MRPL4: variants seen among roughly 807,000 people sequenced by gnomAD.
The protein encoded by MRPL4 is mitochondrial ribosomal protein L4, also known as large ribosomal subunit protein uL4m.
Under a neutral mutation model 34.1 loss-of-function variants are expected in MRPL4, and 34 were observed. The observed-to-expected ratio is 1.00, with a 90% CI of 0.76 to 1.33. MRPL4 has a LOEUF of 1.33. Ranked by LOEUF, MRPL4 falls within the 40% of genes most tolerant of loss-of-function variation. MRPL4 has a pLI of 0.00. For synonymous variants in MRPL4, 196 were observed against 188.3 expected (o/e 1.04, Z -0.33); for missense variants, 402 against 434.6 (o/e 0.92, Z 0.67).
At chr19:10,258,915 C>T (rs1263598123) in intron 8 of MRPL4, 1 of 1,443,238 alleles carries the variant, frequency 6.9e-7, no homozygotes, top group African/African-American at 1.4e-5. Context: ...GCAGTCTGGG[C>T]AATATAGTGA....
rs1436391877 is a variant in MRPL4, at chr19:10,258,529, G to A, written c.662+7G>A. ...CCGTACTCCTCGTGGACTTGTGAGGGCACAGGGCAGAGCAGGGGCAGGGGG... is the reference window on the plus strand; with the variant it reads ...CCGTACTCCTCGTGGACTTGTGAGGACACAGGGCAGAGCAGGGGCAGGGGG... On this transcript the variant is annotated splice_region_variant and intron_variant, in intron 7 of 8. Coordinates refer to ENST00000253099, the MANE Select transcript of MRPL4 (RefSeq NM_015956.3). 1.2e-6 allele frequency: 2 copies of A among 1,614,106 alleles called. No individual in the cohort carries two copies. Among genetic ancestry groups the A allele is most frequent in the East Asian group, 4.5e-5 (2 of 44,872 alleles).
rs747554492 is a variant in MRPL4 at position 10,259,712 on chromosome 19, C to T, written c.835C>T (p.Arg279Cys). Residue 279 changes from arginine to cysteine, a missense_variant, in exon 9 of 9, where the codon CGT (arginine) becomes TGT (cysteine). Arg to Cys is a radical substitution (Grantham distance 180, BLOSUM62 -3). Transcript: ENST00000253099. ...LEDKLLWQDS[R>C]YRPLYPFSLP... ...GGACAAGCTGCTCTGGCAGGACTCA[C>T]GTTACAGACCCCTCTACCCCTTCAG... is the stretch of plus-strand genomic sequence containing the variant. 37 of 1,613,564 alleles carry T rather than the reference C, an allele frequency of 2.3e-5. No individual in the cohort carries two copies. Among genetic ancestry groups the T allele is most frequent in the East Asian group, 4.5e-5 (2 of 44,840 alleles).
intron 8 of MRPL4, 168 bp from the exon 9 acceptor site, chr19:10,259,449 C>T (rs1174747483): frequency 6.3e-6 from 9 of 1,431,068 alleles, no homozygotes; most frequent in African/African-American, 2.9e-5. Flanking sequence ...GGCTTACAGG[C>T]AACAAGCGGC....
chr19:10,253,791 C>CA (rs149418404), intron 3 of MRPL4, among the ~76,000 whole-genome samples: 75,617 of 145,892 alleles, frequency 0.52, 19,295 homozygotes, highest in Middle Eastern at 0.63. Context: ...GACTCCATCT[C>CA]AAAAAAAAAA....
Position 10,259,846 on chromosome 19 carries a change from C to G in MRPL4, c.*33C>G. ...CACCTCTTCTGAGCCAGGCCGAGCC[C>G]CTGGCCGACTTGGGAGCCTCAGGCC... On this transcript the variant is annotated 3_prime_UTR_variant, in exon 9 of 9. Coordinates refer to ENST00000253099, the MANE Select transcript of MRPL4 (RefSeq NM_015956.3). 6.4e-7 allele frequency: 1 copy of G among 1,567,688 alleles called. No individual in the cohort carries two copies. Among genetic ancestry groups the G allele is most frequent in the South Asian group, 1.1e-5 (1 of 87,918 alleles).
At chr19:10,256,866 G>GGGGGGGGGGGTGGGGGGGGGGGGGGGGC in intron 5 of MRPL4, 41 bp downstream of exon 5, 1 of 378,384 alleles carries the variant, frequency 2.6e-6, no homozygotes, top group African/African-American at 2.3e-5. Context: ...GGGTGGGGGG[G>GGGGGGGGGGGTGGGGGGGGGGGGGGGGC]CCAGGGAAGG....
intron 7 of MRPL4, 27 bp downstream of exon 7, chr19:10,258,549 A>AG (rs768051793): frequency 2.5e-6 from 4 of 1,614,046 alleles, no homozygotes; most frequent in Non-Finnish European, 3.4e-6. Context: ...GAGCAGGGGC[A>AG]GGGGGCCCTG....
Position 10,258,688 on chromosome 19 carries a change from G to A in MRPL4, c.739+3G>A. The A allele has an allele frequency of 6.2e-7, 1 of 1,614,146 alleles. No individual in the cohort carries two copies. Among genetic ancestry groups the A allele is most frequent in the Non-Finnish European group, 8.5e-7 (1 of 1,180,034 alleles). On this transcript the variant is annotated splice_donor_region_variant and intron_variant, in intron 8 of 8. Transcript: ENST00000253099. ...CTTCAACTTGATCCCGGCTGTTGGTGAGCAAAGAGCCCAGGCCCCTAGAGT... is the reference window on the plus strand; with the variant it reads ...CTTCAACTTGATCCCGGCTGTTGGTAAGCAAAGAGCCCAGGCCCCTAGAGT...
intron 4 of MRPL4, 130 bp downstream of exon 4, chr19:10,254,770 A>G (rs1417981727): frequency 1.2e-6 from 1 of 829,580 alleles, no homozygotes; most frequent in Non-Finnish European, 1.9e-6. Context: ...CTCCTGAACT[A>G]TTCACCGATG....
At chr19:10,251,993 G>C (rs993032624), upstream of MRPL4, 1 of 525,708 alleles carries the variant, frequency 1.9e-6, no homozygotes, top group Admixed American at 3.9e-5. Context: ...ACGGAAGCTG[G>C]GTCTTCTTGC....
chr19:10,251,992 G>C (rs564906073), upstream of MRPL4: 17 of 525,392 alleles, frequency 3.2e-5, no homozygotes, highest in Middle Eastern at 4.9e-4. Context: ...TACGGAAGCT[G>C]GGTCTTCTTG....
rs2039869285 is a variant in MRPL4, at chr19:10,258,208, C to G, written c.446-14C>G. ...CAGTGGCCCCTACCTGCTCACATGC[C>G]TCTGTCCCCGCAGGAGGTGTTGCCC... On this transcript the variant is annotated splice_polypyrimidine_tract_variant and intron_variant, in intron 5 of 8. Coordinates refer to ENST00000253099, the MANE Select transcript of MRPL4 (RefSeq NM_015956.3). 1 of 1,594,658 alleles carries G rather than the reference C, an allele frequency of 6.3e-7. No individual in the cohort carries two copies. Among genetic ancestry groups the G allele is most frequent in the African/African-American group, 1.3e-5 (1 of 74,570 alleles).
At chr19:10,258,783 A>G (rs1305429848) in intron 8 of MRPL4, 98 bp downstream of exon 8, 9 of 1,610,154 alleles carry the variant, frequency 5.6e-6, no homozygotes, top group Non-Finnish European at 5.1e-6. Context: ...GAGTGGCCTC[A>G]GGCAGTGACC....
upstream of MRPL4, chr19:10,251,970 G>A (rs2039792404): frequency 2.0e-6 from 1 of 506,440 alleles, no homozygotes; most frequent in South Asian, 2.9e-5. Flanking sequence ...GGGACCCAAA[G>A]TAGGCTAGGC....
rs745832604 is a variant in MRPL4, at chr19:10,252,740, G to A, written c.275+39G>A. Reference sequence around the variant, plus strand: ...GTAATGGTGAACTGAGTGGCAGAGGGATGAAGAGCGGGATTTCAGGAGTCA... The same window carrying A: ...GTAATGGTGAACTGAGTGGCAGAGGAATGAAGAGCGGGATTTCAGGAGTCA... On this transcript the variant is annotated intron_variant, in intron 3 of 8. Coordinates refer to ENST00000253099, the MANE Select transcript of MRPL4 (RefSeq NM_015956.3). 9.5e-6 allele frequency: 15 copies of A among 1,579,502 alleles called. No individual in the cohort carries two copies. In the South Asian group the frequency reaches 1.7e-4, roughly 18 times the overall value.
chr19:10,255,605 T>A (rs923895116), intron 4 of MRPL4: 1 of 152,632 alleles, frequency 6.6e-6, no homozygotes, highest in African/African-American at 2.4e-5. Context: ...GGGAGGAGTC[T>A]GGGTTTTGTG....
chr19:10,252,667 G>T lies in MRPL4; in HGVS notation c.241G>T (p.Asp81Tyr). 1.2e-6 allele frequency: 2 copies of T among 1,606,166 alleles called. No homozygotes were observed. Among genetic ancestry groups the T allele is most frequent in the Non-Finnish European group, 1.7e-6 (2 of 1,179,780 alleles). ...CGAGCAGGAGCGCGTGGGCCTGGCC[G>T]ACCTGCACCCCGATGTTTTCGCCAC... ...GFEQERVGLADLHPDVFATAP... is the reference protein window; with the variant it reads ...GFEQERVGLAYLHPDVFATAP... The change falls in exon 3 of 9, where the codon GAC becomes TAC. Residue 81 changes from aspartate (D) to tyrosine (Y), a missense_variant. Asp to Tyr is a radical substitution (Grantham distance 160, BLOSUM62 -3). Coordinates refer to ENST00000253099, the MANE Select transcript of MRPL4 (RefSeq NM_015956.3).
chr19:10,259,490 T>C, intron 8 of MRPL4, 127 bp from the exon 9 acceptor site: 6 of 1,464,472 alleles, frequency 4.1e-6, no homozygotes, highest in Non-Finnish European at 5.4e-6. Context: ...GCTGCTGGGC[T>C]CACAAAGTCA....
Position 10,258,306 on chromosome 19 carries a change from C to T in MRPL4, c.530C>T (p.Ala177Val), listed in dbSNP as rs764772063. Reference sequence around the variant, plus strand: ...GTGCGGGCGCTGGGTCTCAAAGTGGCACTGACCGTCAAGCTGGCCCAGGTA... The same window carrying T: ...GTGCGGGCGCTGGGTCTCAAAGTGGTACTGACCGTCAAGCTGGCCCAGGTA... Reference protein sequence around the residue: ...MKVRALGLKVALTVKLAQDDL... With the variant: ...MKVRALGLKVVLTVKLAQDDL... Residue 177 changes from alanine (A) to valine (V), a missense_variant, in exon 6 of 9, where the codon GCA becomes GTA. Physicochemically the swap from Ala to Val is moderately conservative, Grantham distance 64 (BLOSUM62 0). Coordinates refer to ENST00000253099, the MANE Select transcript of MRPL4 (RefSeq NM_015956.3). 3 of 1,614,104 alleles carry T rather than the reference C, an allele frequency of 1.9e-6. No homozygotes were observed. The highest frequency in any genetic ancestry group is 4.5e-5 in the East Asian group (2 of 44,874).
Sources: gnomAD v4.1 joint callset for allele counts (sites outside exome capture counted in the v4.1 genomes callset) on GRCh38, gnomAD v4.1.1 for gene constraint, MANE v1.5 for transcripts, NCBI Gene and HGNC (gene_info 2026-07-23, HGNC 2026-07-21) for gene names.